Variants in MGST1 observed in about 807,000 individuals in gnomAD.
The protein encoded by MGST1 is microsomal glutathione S-transferase 1.
A neutral mutation model predicts 8.9 loss-of-function variants in MGST1; 5 were observed. That is an observed-to-expected ratio of 0.56 (90% CI 0.29 to 1.19). The LOEUF (loss-of-function observed/expected upper bound fraction) is 1.19, where lower values mean the gene tolerates loss of function less well. MGST1 is among the 50% of genes most tolerant of loss of function. MGST1 has a pLI of 0.08. For missense variants in MGST1, 182 were observed against 187.4 expected, an observed-to-expected ratio of 0.97 and a Z score of 0.17; for synonymous variants, 54 against 67.8, an observed-to-expected ratio of 0.80 and a Z score of 1.00.
intron 4 of MGST1, among the ~76,000 whole-genome samples, chr12:16,542,798 A>C (rs1941800348): frequency 6.6e-6 from 1 of 152,178 alleles, no homozygotes; most frequent in Non-Finnish European, 1.5e-5. Flanking sequence ...GGCATTAGTT[A>C]TGCTATATAT....
chr12:16,510,315 A>AG (rs768884870), intron 4 of MGST1, among the ~76,000 whole-genome samples: 2 of 152,170 alleles, frequency 1.3e-5, no homozygotes, highest in African/African-American at 2.4e-5. Flanking sequence ...AGGGAAGGGA[A>AG]GAAAGAAGAG....
chr12:16,381,499 C>A (rs915471508), downstream of MGST1, among the ~76,000 whole-genome samples: 10 of 152,118 alleles, frequency 6.6e-5, no homozygotes, highest in Non-Finnish European at 1.5e-4. Flanking sequence ...GAGTTTCTGC[C>A]GAGAGATCAG....
intron 1 of MGST1, among the ~76,000 whole-genome samples, chr12:16,430,038 C>T (rs552924067): frequency 6.6e-6 from 1 of 152,290 alleles, no homozygotes; most frequent in East Asian, 1.9e-4. Context: ...TATTCTAAAT[C>T]CTTTGTTGTC....
chr12:16,379,242 G>C (rs1460094113), downstream of MGST1, among the ~76,000 whole-genome samples: 3 of 152,162 alleles, frequency 2.0e-5, no homozygotes, highest in African/African-American at 7.2e-5. Flanking sequence ...CAAAGGGAAT[G>C]CTTCCAGTTT....
intron 4 of MGST1, among the ~76,000 whole-genome samples, chr12:16,467,637 A>G (rs73318781): frequency 2.0e-5 from 3 of 152,328 alleles, no homozygotes; most frequent in African/African-American, 7.2e-5. Context: ...TAATACTTTT[A>G]TATACCATAA....
At chr12:16,496,948 C>T (rs1941474762) in intron 4 of MGST1, among the ~76,000 whole-genome samples, 1 of 152,078 alleles carries the variant, frequency 6.6e-6, no homozygotes, top group Non-Finnish European at 1.5e-5. Context: ...ATTGAAAAAG[C>T]ACTGACAAAC....
intron 1 of MGST1, among the ~76,000 whole-genome samples, chr12:16,419,197 T>A (rs1277962825): frequency 1.3e-5 from 2 of 152,124 alleles, no homozygotes; most frequent in Non-Finnish European, 2.9e-5. Flanking sequence ...AACCATGAAT[T>A]TTAAGTTTGA....
intron 1 of MGST1, among the ~76,000 whole-genome samples, chr12:16,386,409 G>A (rs1348811536): frequency 1.3e-5 from 2 of 152,170 alleles, no homozygotes; most frequent in African/African-American, 4.8e-5. Flanking sequence ...TAGAGTGCAA[G>A]GGTATGGCAA....
In MGST1 at chr12:16,513,355, C is replaced by T. The variant is rs767141949; in HGVS notation, n.483-76173C>T. The stretch of plus-strand genomic sequence containing the variant: ...AGAATTTTATGCTTGCCCTCTGCTC[C>T]GTCCTGCGTCTGCCCACTGCCCTCC... On this transcript the variant is annotated intron_variant and non_coding_transcript_variant, in intron 4 of 4. Transcript: ENST00000538857. This position sits in a 1 kb window ranked among gnomAD's most constrained non-coding sequence, Gnocchi z 4.2. 2 of 323,222 alleles carry T rather than the reference C, an allele frequency of 6.2e-6. No homozygotes were observed. Among genetic ancestry groups the T allele is most frequent in the South Asian group, 2.5e-5 (1 of 39,310 alleles). The allele number at this position is 323,222 out of a possible 1,614,324, so 20.0% of individuals were successfully genotyped here.
At chr12:16,424,927 A>T (rs988747523) in intron 1 of MGST1, among the ~76,000 whole-genome samples, 10 of 152,204 alleles carry the variant, frequency 6.6e-5, no homozygotes, top group Middle Eastern at 3.4e-3. Context: ...CAGCTTCTTC[A>T]CCTATGCACA....
At chr12:16,417,057 G>C (rs1023401445) in intron 1 of MGST1, among the ~76,000 whole-genome samples, 2 of 152,036 alleles carry the variant, frequency 1.3e-5, no homozygotes, top group Non-Finnish European at 2.9e-5. Flanking sequence ...CTTTTTTGTA[G>C]TCTTACTTTG....
intron 4 of MGST1, chr12:16,551,336 A>G (rs1226258712): frequency 6.7e-7 from 1 of 1,488,944 alleles, no homozygotes; most frequent in East Asian, 2.3e-5. Context: ...ATCTGAAAAT[A>G]TTTTAAACAA....
At position 16,458,925 on chromosome 12, in the gene MGST1, C is replaced by T. The variant is rs1186070336; in HGVS notation, n.482+75321C>T. Among the ~76,000 whole-genome samples, 2 of 151,980 alleles carry T rather than the reference C, an allele frequency of 1.3e-5. No individual in the cohort carries two copies. Among genetic ancestry groups the T allele is most frequent in the Non-Finnish European group, 2.9e-5 (2 of 67,970 alleles). ...CCTGCTGAGCTGAGAGCAGGGAATT[C>T]TTACAGAAATCTAAGTAGTTCCAAG... On this transcript the variant is annotated intron_variant and non_coding_transcript_variant, in intron 4 of 4. Coordinates refer to the MGST1 transcript ENST00000538857. This position sits in a 1 kb window ranked among gnomAD's most constrained non-coding sequence, Gnocchi z 4.0.
chr12:16,443,045 T>C (rs1184865097), downstream of MGST1, among the ~76,000 whole-genome samples: 1 of 151,824 alleles, frequency 6.6e-6, no homozygotes, highest in Non-Finnish European at 1.5e-5. Context: ...GAAACTATAT[T>C]ACTAGAGCCA....
chr12:16,407,392 T>C (rs1455061016), intron 1 of MGST1, among the ~76,000 whole-genome samples: 2 of 152,092 alleles, frequency 1.3e-5, no homozygotes, highest in Non-Finnish European at 2.9e-5. Flanking sequence ...GGATGGCTAT[T>C]ATTAAAAAGC....
At chr12:16,412,697 C>T (rs573455930) in intron 1 of MGST1, among the ~76,000 whole-genome samples, 2 of 152,228 alleles carry the variant, frequency 1.3e-5, no homozygotes, top group East Asian at 3.9e-4. Context: ...TTATAAAGGG[C>T]AGTTCCCCTA....
At chr12:16,426,137 C>T (rs908677928) in intron 1 of MGST1, among the ~76,000 whole-genome samples, 13 of 152,138 alleles carry the variant, frequency 8.5e-5, no homozygotes, top group Non-Finnish European at 5.9e-5. Flanking sequence ...AACAAAATGT[C>T]TCATTGCTAC....
chr12:16,369,329 T>C (rs1009039747), downstream of MGST1, among the ~76,000 whole-genome samples: 6 of 152,170 alleles, frequency 3.9e-5, no homozygotes, highest in Non-Finnish European at 7.4e-5. The surrounding 1 kb of genome is among the most constrained non-coding windows in gnomAD (Gnocchi z 4.8). Context: ...GCTTTGCTAA[T>C]GGTTCTGTAG....
intron 4 of MGST1, among the ~76,000 whole-genome samples, chr12:16,577,113 T>C (rs559661607): frequency 7.9e-5 from 12 of 152,314 alleles, no homozygotes; most frequent in Non-Finnish European, 1.5e-4. Context: ...AGAAAACTTG[T>C]GACTGGTAAC....
Sources: allele counts gnomAD v4.1 joint callset (sites outside exome capture counted in the v4.1 genomes callset), GRCh38; gene constraint gnomAD v4.1.1; non-coding constraint Gnocchi (gnomAD v3.1); transcripts MANE v1.5; gene names NCBI Gene and HGNC (gene_info 2026-07-23, HGNC 2026-07-21).